The following DST variants were observed in gnomAD, a reference collection of about 807,000 sequenced individuals.
DST encodes dystonin.
DST carries 253 observed loss-of-function variants against 875.2 expected under a neutral mutation model. That is an observed-to-expected ratio of 0.29 (90% CI 0.26 to 0.32). The LOEUF (loss-of-function observed/expected upper bound fraction) is 0.32, where lower values mean the gene tolerates loss of function less well. Among genes scored for constraint, DST ranks in the 10% least tolerant of loss-of-function variants. The probability of loss-of-function intolerance (pLI) is 1.00; values close to 1 mark genes in which losing one functional copy is unlikely to be tolerated. For missense variants in DST, 8,287 were observed against 9,111.6 expected (o/e 0.91, Z 3.68); for synonymous variants, 3,124 against 3,197.1 (o/e 0.98, Z 0.77).
intron 15 of DST, among the ~76,000 whole-genome samples, 156 bp downstream of exon 15, chr6:56,645,710 T>C (rs2098938419): frequency 1.3e-5 from 2 of 152,160 alleles, no homozygotes; most frequent in Admixed American, 1.3e-4. Flanking sequence ...CCTTAAAATC[T>C]CTTAGAAGAG....
chr6:56,467,338 C>T (rs1208706619), intron 98 of DST: 1 of 152,002 alleles, frequency 6.6e-6, no homozygotes, highest in Non-Finnish European at 1.5e-5. Flanking sequence ...AAAACAATAC[C>T]AACCAAATCC....
chr6:56,643,399 C>A (rs925575744), intron 15 of DST, among the ~76,000 whole-genome samples: 3 of 152,182 alleles, frequency 2.0e-5, no homozygotes, highest in African/African-American at 7.2e-5. Context: ...GAAAAAGTAT[C>A]CATTTACCTT....
chr6:56,873,032 C>T (rs537802423), intron 3 of DST, among the ~76,000 whole-genome samples: 1 of 152,250 alleles, frequency 6.6e-6, no homozygotes, highest in Non-Finnish European at 1.5e-5. Context: ...TGATAACAGA[C>T]ATTTTAACCA....
intron 94 of DST, among the ~76,000 whole-genome samples, chr6:56,471,624 A>T (rs940448635): frequency 6.6e-6 from 1 of 152,188 alleles, no homozygotes; most frequent in Non-Finnish European, 1.5e-5. Context: ...CTCCCTCTGC[A>T]CTATTAGCCA....
intron 3 of DST, among the ~76,000 whole-genome samples, chr6:56,865,803 A>C (rs561746946): frequency 1.8e-4 from 28 of 152,270 alleles, no homozygotes; most frequent in African/African-American, 6.7e-4. Context: ...CTGCTACCAA[A>C]AACTGCTGCC....
rs1449609732 is a variant in DST at position 56,894,563 on chromosome 6, G to A, written c.417+5858C>T. On this transcript the variant is annotated intron_variant, in intron 3 of 103. Transcript: ENST00000680361. ...CCCCCACCTCCCTCCTGGACGGGGCGGCTGGCCGGGCAGAGGGGTCCTCAC... is the reference window on the plus strand; with the variant it reads ...CCCCCACCTCCCTCCTGGACGGGGCAGCTGGCCGGGCAGAGGGGTCCTCAC... 4.3e-3 allele frequency among the ~76,000 whole-genome samples: 249 copies of A among 58,358 alleles called. 12 individuals carry two copies. Among genetic ancestry groups the A allele is most frequent in the Admixed American group, 5.2e-3 (41 of 7,916 alleles). The allele number at this position is 58,358 out of a possible 152,430, so 38.3% of individuals were successfully genotyped here. A position where few individuals can be genotyped will look rare whatever the true frequency, so the allele number is the denominator to read the frequency against.
chr6:56,880,837 CTTTTTTTTTTT>C (rs765843469), intron 3 of DST, among the ~76,000 whole-genome samples: 4 of 58,082 alleles, frequency 6.9e-5, no homozygotes, highest in South Asian at 1.2e-3. Context: ...TACTGTCTTT[CTTTTTTTTTTT>C]TTTTTTTTTT....
At chr6:56,774,639 A>G (rs551652464) in intron 4 of DST, among the ~76,000 whole-genome samples, 6 of 152,330 alleles carry the variant, frequency 3.9e-5, no homozygotes. Context: ...ACTTCAAACC[A>G]TAATTACAGA....
In DST at chr6:56,536,919, C is replaced by T; in HGVS notation, c.16630G>A (p.Glu5544Lys). The change falls in exon 62 of 104, where the codon GAA becomes AAA. Residue 5544 changes from glutamate to lysine, a missense_variant. Physicochemically the swap from Glu to Lys is moderately conservative, Grantham distance 56. Transcript: ENST00000680361. ...TCTTGCTGTTTACCTTGCAAGGGTT[C>T]AATCTCTTCTTTCTGGAATACCTGC... The part of the protein sequence containing the change: ...MFKVFQKEEI[E>K]PLQGKQQDVN... 6 of 1,613,796 alleles carry T rather than the reference C, an allele frequency of 3.7e-6. No homozygotes were observed. Among genetic ancestry groups the T allele is most frequent in the Non-Finnish European group, 5.1e-6 (6 of 1,179,784 alleles).
In DST at chr6:56,625,857, A is replaced by AC. The variant is rs1159994104; in HGVS notation, c.4723-594dup. On this transcript the variant is annotated intron_variant, in intron 34 of 103. Coordinates refer to ENST00000680361, the MANE Select transcript of DST (RefSeq NM_001374736.1). ...TCCATACATGTGATTGCCCCTGAAG[A>AC]CCTTCCCATGGGATTTGGAGGTGTA... Among the ~76,000 whole-genome samples, 7 of 151,816 alleles carry AC rather than the reference A, an allele frequency of 4.6e-5. No homozygotes were observed. The East Asian group carries it at 1.4e-3, about 29-fold the overall frequency.
intron 5 of DST, among the ~76,000 whole-genome samples, chr6:56,729,086 A>C (rs1297842063): frequency 6.6e-6 from 1 of 152,080 alleles, no homozygotes; most frequent in Non-Finnish European, 1.5e-5. Flanking sequence ...TAAACAGTCT[A>C]TCAGTGTTCC....
At chr6:56,905,946 G>A (rs1319209526) in intron 2 of DST, among the ~76,000 whole-genome samples, 1 of 152,118 alleles carries the variant, frequency 6.6e-6, no homozygotes, top group African/African-American at 2.4e-5. Context: ...ACCACACCCA[G>A]CCTATATTGC....
rs1178200177 is a variant in DST at position 56,535,168 on chromosome 6, G to A, written c.16895C>T (p.Pro5632Leu). 5.0e-6 allele frequency: 8 copies of A among 1,613,606 alleles called. No individual in the cohort carries two copies. The highest frequency in any genetic ancestry group is 5.9e-6 in the Non-Finnish European group (7 of 1,179,768). ...CTTTACCACTTTGAACTCAGCCGAC[G>A]GGGGCTTCTGATTGGCCACAAGCTC... ...TEELVANQKPPSAEFKVVKAQ... is the reference protein window; with the variant it reads ...TEELVANQKPLSAEFKVVKAQ... The change falls in exon 63 of 104, where the codon CCG (proline) becomes CTG (leucine). Residue 5632 changes from proline to leucine, a missense_variant. This residue lies in a region of DST where 777 missense variants were observed against 764.8 expected (regional missense o/e 1.02). Coordinates refer to ENST00000680361, the MANE Select transcript of DST (RefSeq NM_001374736.1).
intron 4 of DST, among the ~76,000 whole-genome samples, chr6:56,805,648 T>C (rs2099752194): frequency 6.6e-6 from 1 of 152,226 alleles, no homozygotes. Context: ...ATTTATTATC[T>C]ACCATGTGCC....
intron 9 of DST, among the ~76,000 whole-genome samples, chr6:56,680,336 G>A (rs2099151122): frequency 6.6e-6 from 1 of 152,164 alleles, no homozygotes. Flanking sequence ...GTGATGGGTA[G>A]GGGGATGCTG....
chr6:56,629,345 C>T lies in DST; in HGVS notation c.4380G>A (p.Thr1460=), dbSNP rs200169945. ...AKAISDEMFK[T]YKERDLDFDW... is the part of the protein sequence containing the mutation. ...CAAAATCAAGGTCCCGTTCTTTATA[C>T]GTTTTAAACATTTCATCACTGATGG... The change falls in exon 32 of 104, where the codon ACG becomes ACA. Residue 1460 remains threonine (T), a synonymous_variant. Transcript: ENST00000680361. The T allele has an allele frequency of 6.9e-5, 111 of 1,613,512 alleles. No homozygotes were observed. The highest frequency in any genetic ancestry group is 9.0e-5 in the Non-Finnish European group (106 of 1,179,730).
intron 2 of DST, among the ~76,000 whole-genome samples, chr6:56,923,452 C>T (rs1475650861): frequency 6.8e-5 from 9 of 132,884 alleles, no homozygotes; most frequent in South Asian, 2.3e-4. Flanking sequence ...GCTGGTAAAC[C>T]GGCTCACTGG....
At position 56,603,560 on chromosome 6, in the gene DST, T is replaced by C. The variant is rs2098466248; in HGVS notation, c.10941+4A>G. The C allele has an allele frequency of 1.2e-6, 2 of 1,603,600 alleles. No individual in the cohort carries two copies. The highest frequency in any genetic ancestry group is 1.1e-5 in the South Asian group (1 of 89,532). Reference sequence around the variant, plus strand: ...TCCATAAAGAGGCAGTAGACAATTCTTACCTCCAACTGTCTAAGTTGATTC... The same window carrying C: ...TCCATAAAGAGGCAGTAGACAATTCCTACCTCCAACTGTCTAAGTTGATTC... On this transcript the variant is annotated splice_donor_region_variant and intron_variant, in intron 41 of 103. Transcript: ENST00000680361.
intron 36 of DST, among the ~76,000 whole-genome samples, chr6:56,623,919 CAGA>C (rs985285083): frequency 1.3e-5 from 2 of 151,220 alleles, no homozygotes; most frequent in Non-Finnish European, 2.9e-5. Context: ...ATCAAAGCTG[CAGA>C]AGTTCTCCAA....
Sources: gnomAD v4.1 joint callset for allele counts (sites outside exome capture counted in the v4.1 genomes callset) on GRCh38, gnomAD v4.1.1 for gene constraint, gnomAD v4.1.1 regional missense constraint, MANE v1.5 for transcripts, NCBI Gene and HGNC (gene_info 2026-07-23, HGNC 2026-07-21) for gene names.